The following ZCCHC4 variants were observed in gnomAD, a reference collection of about 807,000 sequenced individuals.
ZCCHC4 encodes the protein rRNA N(6)-adenosine-methyltransferase ZCCHC4.
Under a neutral mutation model 67.7 loss-of-function variants are expected in ZCCHC4, and 54 were observed. The observed-to-expected ratio is 0.80, with a 90% CI of 0.64 to 1.00. The LOEUF (loss-of-function observed/expected upper bound fraction) is 1.00. Among genes scored for constraint, ZCCHC4 ranks in the 50% least tolerant of loss-of-function variants. The pLI is 0.00. For missense variants in ZCCHC4, 609 were observed against 617.0 expected, an observed-to-expected ratio of 0.99 and a Z score of 0.14; for synonymous variants, 198 against 213.5, an observed-to-expected ratio of 0.93 and a Z score of 0.63.
At chr4:25,349,781 G>T in intron 7 of ZCCHC4, 139 bp downstream of exon 7, 1 of 858,914 alleles carries the variant, frequency 1.2e-6, no homozygotes, top group East Asian at 2.7e-5. Context: ...CTTATTTGAT[G>T]TTGCAGCAAA....
intron 8 of ZCCHC4, among the ~76,000 whole-genome samples, chr4:25,360,150 T>A (rs73098433): frequency 0.013 from 2,049 of 152,318 alleles, 47 homozygotes; most frequent in African/African-American, 0.045. Context: ...GCCGCAGGGC[T>A]TTTTGCATAG....
chr4:25,364,611 T>C, intron 11 of ZCCHC4, 106 bp downstream of exon 11: 3 of 984,664 alleles, frequency 3.0e-6, no homozygotes, highest in Non-Finnish European at 4.6e-6. Flanking sequence ...ATAATCAGTG[T>C]AGAGACTTGT....
chr4:25,342,451 T>A (rs1719800057), intron 5 of ZCCHC4, among the ~76,000 whole-genome samples: 1 of 152,206 alleles, frequency 6.6e-6, no homozygotes, highest in Admixed American at 6.5e-5. Context: ...TCACATTTGC[T>A]AAGATGGATT....
At chr4:25,317,900 T>G (rs1718355950) in intron 3 of ZCCHC4, among the ~76,000 whole-genome samples, 1 of 152,170 alleles carries the variant, frequency 6.6e-6, no homozygotes, top group African/African-American at 2.4e-5. Flanking sequence ...ACTCATCTTA[T>G]GCCTGATTCT....
At chr4:25,313,053 C>T (rs1718041789) in intron 1 of ZCCHC4, 117 bp downstream of exon 1, 4 of 1,411,450 alleles carry the variant, frequency 2.8e-6, no homozygotes, top group Non-Finnish European at 3.8e-6. Flanking sequence ...CAGTGTGCTG[C>T]CTAGAAAATA....
intron 7 of ZCCHC4, 64 bp downstream of exon 7, chr4:25,349,706 C>T: frequency 6.5e-7 from 1 of 1,533,424 alleles, no homozygotes; most frequent in African/African-American, 1.4e-5. Flanking sequence ...CAAATATTAG[C>T]TGAGCTCAGT....
At chr4:25,365,223 T>A (rs990157398) in intron 12 of ZCCHC4, 57 bp downstream of exon 12, 20 of 1,595,168 alleles carry the variant, frequency 1.3e-5, no homozygotes, top group Non-Finnish European at 1.7e-5. Context: ...TACAGGATAA[T>A]CCACAAAAGC....
rs111255530 is a variant in ZCCHC4 at position 25,345,042 on chromosome 4, A to T, written c.687-506A>T. ...GGTCTCAAACTCGTTAGCTCAAGCA[A>T]TCTGCCTGCCTCAGCCTCCCAAAGT... On this transcript the variant is annotated intron_variant, in intron 5 of 12. Transcript: ENST00000302874. Among the ~76,000 whole-genome samples the T allele has an allele frequency of 8.1e-3, 1,239 of 152,214 alleles. 15 individuals carry two copies. Among genetic ancestry groups the T allele is most frequent in the African/African-American group, 0.028 (1,179 of 41,530 alleles).
intron 8 of ZCCHC4, among the ~76,000 whole-genome samples, chr4:25,352,851 T>C (rs1481095307): frequency 6.6e-6 from 1 of 152,234 alleles, no homozygotes; most frequent in African/African-American, 2.4e-5. Flanking sequence ...TTTCTAATCC[T>C]GAAGGCATAT....
intron 12 of ZCCHC4, among the ~76,000 whole-genome samples, 171 bp from the exon 13 acceptor site, chr4:25,368,858 G>C (rs1158470392): frequency 1.3e-5 from 2 of 151,994 alleles, no homozygotes; most frequent in African/African-American, 2.4e-5. Flanking sequence ...TTAGGCCTCT[G>C]ACTCTTCCCT....
At position 25,333,542 on chromosome 4, in the gene ZCCHC4, G is replaced by A. The variant is rs528437852; in HGVS notation, c.605+84G>A. The A allele has an allele frequency of 5.7e-6, 8 of 1,414,100 alleles. No individual in the cohort carries two copies. The East Asian group carries it at 1.1e-4, about 20-fold the overall frequency. The allele number at this position is 1,414,100 out of a possible 1,614,324, so 87.6% of individuals were successfully genotyped here. ...ATTTTATTAAGTAGTTACTTACTCT[G>A]TGCAAGGTATAGCATGAAGCTTTGA... On this transcript the variant is annotated intron_variant, in intron 4 of 12. Transcript: ENST00000302874.
chr4:25,337,464 T>C (rs951416604), intron 5 of ZCCHC4, among the ~76,000 whole-genome samples: 3 of 152,142 alleles, frequency 2.0e-5, no homozygotes, highest in African/African-American at 7.2e-5. Flanking sequence ...AAAGAGGCAG[T>C]TTTTCCTGAG....
At chr4:25,366,542 T>A (rs969217960) in intron 12 of ZCCHC4, among the ~76,000 whole-genome samples, 1 of 152,186 alleles carries the variant, frequency 6.6e-6, no homozygotes, top group Non-Finnish European at 1.5e-5. Context: ...GGTCTTGATC[T>A]CCTGACCTCG....
rs143878796 is a variant in ZCCHC4 at position 25,340,880 on chromosome 4, A to T, written c.687-4668A>T. Among the ~76,000 whole-genome samples the T allele has an allele frequency of 3.3e-5, 5 of 152,302 alleles. No individual in the cohort carries two copies. In the East Asian group the frequency reaches 9.6e-4, roughly 29 times the overall value. On this transcript the variant is annotated intron_variant, in intron 5 of 12. Transcript: ENST00000302874. Reference sequence around the variant, plus strand: ...TTTTGGACTGCTCGGGTTCACTTACAAGTGGATTTTCTTGTGCCTCTGCCA... The same window carrying T: ...TTTTGGACTGCTCGGGTTCACTTACTAGTGGATTTTCTTGTGCCTCTGCCA...
At chr4:25,350,668 T>A (rs1158902431) in intron 7 of ZCCHC4, among the ~76,000 whole-genome samples, 1 of 152,198 alleles carries the variant, frequency 6.6e-6, no homozygotes, top group Non-Finnish European at 1.5e-5. Context: ...AATTTTGTGA[T>A]CATGCTTCTC....
intron 8 of ZCCHC4, among the ~76,000 whole-genome samples, chr4:25,354,670 T>G (rs1459473270): frequency 6.6e-6 from 1 of 152,160 alleles, no homozygotes; most frequent in Non-Finnish European, 1.5e-5. Context: ...ATTAAAATTT[T>G]TTTTTTAAAT....
In ZCCHC4 at chr4:25,356,415, A is replaced by G. The variant is rs181507474; in HGVS notation, c.1011+4726A>G. Among the ~76,000 whole-genome samples the G allele has an allele frequency of 8.2e-3, 1,248 of 152,304 alleles. 21 individuals carry two copies. The highest frequency in any genetic ancestry group is 0.027 in the African/African-American group (1,125 of 41,574). ...TCTAGCAGCATGCATTTTACATACCATATGTTTATAGTTAATTAGCACAAC... is the reference window on the plus strand; with the variant it reads ...TCTAGCAGCATGCATTTTACATACCGTATGTTTATAGTTAATTAGCACAAC... On this transcript the variant is annotated intron_variant, in intron 8 of 12. Transcript: ENST00000302874.
intron 12 of ZCCHC4, 136 bp downstream of exon 12, chr4:25,365,302 AGATG>A (rs1720898728): frequency 3.5e-6 from 5 of 1,443,460 alleles, no homozygotes; most frequent in Non-Finnish European, 4.5e-6. Context: ...CTGGCTGCAT[AGATG>A]GATGGAGGGA....
At chr4:25,362,359 A>T in intron 10 of ZCCHC4, 58 bp downstream of exon 10, 1 of 1,193,372 alleles carries the variant, frequency 8.4e-7, no homozygotes, top group Non-Finnish European at 1.2e-6. Context: ...ATTTTAGTTT[A>T]CTAGTTTTAT....
Sources: gnomAD v4.1 joint callset for allele counts (sites outside exome capture counted in the v4.1 genomes callset) on GRCh38, gnomAD v4.1.1 for gene constraint, MANE v1.5 for transcripts, NCBI Gene and HGNC (gene_info 2026-07-23, HGNC 2026-07-21) for gene names.